NXPH1: variants seen among roughly 807,000 people sequenced by gnomAD.
NXPH1 encodes neurexophilin-1.
Under a neutral mutation model 23.7 loss-of-function variants are expected in NXPH1, and 5 were observed. The observed-to-expected ratio is 0.21, with a 90% CI of 0.11 to 0.44. The LOEUF is 0.44. Among genes scored for constraint, NXPH1 ranks in the 20% least tolerant of loss-of-function variants. NXPH1 has a pLI of 0.99. For missense variants in NXPH1, 324 were observed against 321.6 expected (o/e 1.01, Z -0.06); for synonymous variants, 144 against 122.2 (o/e 1.18, Z -1.18).
chr7:8,611,538 G>A (rs1353193235), intron 2 of NXPH1, among the ~76,000 whole-genome samples: 2 of 152,024 alleles, frequency 1.3e-5, no homozygotes, highest in African/African-American at 2.4e-5. Flanking sequence ...CAAAGTGGAG[G>A]GTTTTTTCAC....
chr7:8,649,575 C>T (rs919124325), intron 2 of NXPH1, among the ~76,000 whole-genome samples: 1 of 152,088 alleles, frequency 6.6e-6, no homozygotes, highest in African/African-American at 2.4e-5. Flanking sequence ...GATTGTGCAG[C>T]CCTTTGGAGA....
intron 2 of NXPH1, among the ~76,000 whole-genome samples, chr7:8,646,668 T>C (rs1213617742): frequency 1.3e-5 from 2 of 152,158 alleles, no homozygotes; most frequent in Admixed American, 1.3e-4. Flanking sequence ...TTTTATAATA[T>C]GTTTTTCCTA....
At chr7:8,691,101 G>A (rs1413201875) in intron 2 of NXPH1, among the ~76,000 whole-genome samples, 1 of 152,086 alleles carries the variant, frequency 6.6e-6, no homozygotes, top group Non-Finnish European at 1.5e-5. Flanking sequence ...GAAAGACAGG[G>A]TATAATCCTA....
chr7:8,520,687 A>T (rs1216118545), intron 2 of NXPH1, among the ~76,000 whole-genome samples: 1 of 151,882 alleles, frequency 6.6e-6, no homozygotes, highest in Non-Finnish European at 1.5e-5. Context: ...TAACCTTTTC[A>T]GTGTCACTCT....
At chr7:8,513,254 A>G (rs528093067) in intron 2 of NXPH1, among the ~76,000 whole-genome samples, 1 of 152,210 alleles carries the variant, frequency 6.6e-6, no homozygotes, top group South Asian at 2.1e-4. Context: ...GAAACAGAAT[A>G]TATAGGGATA....
intron 2 of NXPH1, among the ~76,000 whole-genome samples, chr7:8,539,918 G>A (rs1010028422): frequency 2.6e-5 from 4 of 151,654 alleles, no homozygotes; most frequent in African/African-American, 7.3e-5. Context: ...AGTGACTTTT[G>A]TTAATTATAT....
intron 2 of NXPH1, among the ~76,000 whole-genome samples, chr7:8,437,277 G>C (rs908169552): frequency 6.6e-6 from 1 of 151,834 alleles, no homozygotes; most frequent in African/African-American, 2.4e-5. Context: ...CCCCACCTGT[G>C]TTCAGTAAGC....
intron 2 of NXPH1, among the ~76,000 whole-genome samples, chr7:8,441,214 T>C (rs1584156296): frequency 6.6e-6 from 1 of 152,156 alleles, no homozygotes; most frequent in Non-Finnish European, 1.5e-5. Flanking sequence ...AGCGGCTTCA[T>C]GGTGCAGCCG....
At chr7:8,474,141 T>G (rs1166257136) in intron 2 of NXPH1, among the ~76,000 whole-genome samples, 1 of 152,184 alleles carries the variant, frequency 6.6e-6, no homozygotes, top group Non-Finnish European at 1.5e-5. Context: ...GAGTTTGTTC[T>G]CTTCATGATG....
intron 2 of NXPH1, among the ~76,000 whole-genome samples, chr7:8,514,997 C>T (rs1207389167): frequency 6.6e-6 from 1 of 152,086 alleles, no homozygotes; most frequent in Non-Finnish European, 1.5e-5. Flanking sequence ...TCTCCCTTCC[C>T]AAAGAACATT....
chr7:8,630,142 T>A (rs1820096366), intron 2 of NXPH1, among the ~76,000 whole-genome samples: 1 of 152,132 alleles, frequency 6.6e-6, no homozygotes, highest in Non-Finnish European at 1.5e-5. Context: ...GTTGACATAA[T>A]ACTATGATAA....
At chr7:8,453,757 C>CT (rs1206226339) in intron 2 of NXPH1, among the ~76,000 whole-genome samples, 1 of 152,002 alleles carries the variant, frequency 6.6e-6, no homozygotes, top group Non-Finnish European at 1.5e-5. Context: ...TGATCTTGTT[C>CT]TTTTTTATGG....
At chr7:8,660,048 T>G (rs1269723482) in intron 2 of NXPH1, among the ~76,000 whole-genome samples, 2 of 152,196 alleles carry the variant, frequency 1.3e-5, no homozygotes, top group African/African-American at 4.8e-5. Flanking sequence ...CAGTGTGACT[T>G]TCTTCATCTT....
chr7:8,450,869 T>C (rs1290591833), intron 2 of NXPH1, among the ~76,000 whole-genome samples: 1 of 152,254 alleles, frequency 6.6e-6, no homozygotes, highest in Non-Finnish European at 1.5e-5. Context: ...TTTCTAGTAA[T>C]CTACTTTTTA....
intron 2 of NXPH1, among the ~76,000 whole-genome samples, chr7:8,472,954 C>T (rs576014907): frequency 1.7e-4 from 26 of 152,218 alleles, no homozygotes; most frequent in African/African-American, 6.3e-4. Context: ...ACAATATGGC[C>T]AATCTACCTT....
chr7:8,477,766 G>T (rs893369593), intron 2 of NXPH1, among the ~76,000 whole-genome samples: 1 of 152,044 alleles, frequency 6.6e-6, no homozygotes, highest in African/African-American at 2.4e-5. Context: ...CATGCTTTCT[G>T]AGCTGAAAAA....
chr7:8,672,519 A>G (rs1820887528), intron 2 of NXPH1, among the ~76,000 whole-genome samples: 2 of 151,854 alleles, frequency 1.3e-5, no homozygotes, highest in African/African-American at 2.4e-5. Flanking sequence ...ATAAAATGAA[A>G]CCCCTAGGGG....
chr7:8,521,978 G>A (rs1408658973), intron 2 of NXPH1, among the ~76,000 whole-genome samples: 1 of 152,104 alleles, frequency 6.6e-6, no homozygotes, highest in Non-Finnish European at 1.5e-5. Context: ...GCAAGGGAGA[G>A]TAGGATACTG....
Position 8,618,461 on chromosome 7 carries a change from A to G in NXPH1, c.55-132547A>G, listed in dbSNP as rs150144968. Among the ~76,000 whole-genome samples, 517 of 152,262 alleles carry G rather than the reference A, an allele frequency of 3.4e-3. 2 individuals are homozygous for G. Among genetic ancestry groups the G allele is most frequent in the African/African-American group, 0.012 (492 of 41,562 alleles). ...CCAATGAGCGTAAAGGTAATTAAAT[A>G]TTTTATTAACTTTGTATATAAGAGC... On this transcript the variant is annotated intron_variant, in intron 2 of 2. Transcript: ENST00000405863.
Sources: allele counts gnomAD v4.1 joint callset (sites outside exome capture counted in the v4.1 genomes callset), GRCh38; gene constraint gnomAD v4.1.1; transcripts MANE v1.5; gene names NCBI Gene and HGNC (gene_info 2026-07-23, HGNC 2026-07-21).